Variants in ADGRB3 observed in about 807,000 individuals in gnomAD.
The protein encoded by ADGRB3 is adhesion G protein-coupled receptor B3, also known as brain-specific angiogenesis inhibitor 3.
ADGRB3 carries 37 observed loss-of-function variants against 193.4 expected under a neutral mutation model. The observed-to-expected ratio is 0.19, with a 90% CI of 0.15 to 0.25. The LOEUF (loss-of-function observed/expected upper bound fraction) is 0.25. Ranked by LOEUF, ADGRB3 falls within the 10% of genes least tolerant of loss-of-function variation. The probability of loss-of-function intolerance (pLI) is 1.00; values close to 1 mark genes in which losing one functional copy is unlikely to be tolerated. For missense variants in ADGRB3, 1,637 were observed against 1,852.9 expected (o/e 0.88, Z 2.14); for synonymous variants, 690 against 644.2 (o/e 1.07, Z -1.08).
At chr6:68,863,775 T>C (rs1179476630) in intron 3 of ADGRB3, among the ~76,000 whole-genome samples, 1 of 152,186 alleles carries the variant, frequency 6.6e-6, no homozygotes, top group Non-Finnish European at 1.5e-5. Context: ...AAATCAGCCT[T>C]ACTTAGGCTC....
chr6:68,860,873 A>T (rs938685398), intron 3 of ADGRB3, among the ~76,000 whole-genome samples: 1 of 115,652 alleles, frequency 8.6e-6, no homozygotes, highest in South Asian at 2.8e-4. Flanking sequence ...TTTTTTAAAT[A>T]TGCTTTTTTT....
chr6:68,923,218 CT>C (rs755484558), intron 3 of ADGRB3, among the ~76,000 whole-genome samples: 3 of 151,986 alleles, frequency 2.0e-5, no homozygotes, highest in Non-Finnish European at 1.5e-5. Context: ...ATGACCAGAA[CT>C]ACTTTGGTAT....
At chr6:68,905,370 A>C (rs1283305847) in intron 3 of ADGRB3, among the ~76,000 whole-genome samples, 2 of 152,196 alleles carry the variant, frequency 1.3e-5, no homozygotes, top group East Asian at 3.9e-4. Flanking sequence ...TGTGAAGAAT[A>C]ATTAATAAGT....
intron 3 of ADGRB3, among the ~76,000 whole-genome samples, chr6:68,678,257 C>A (rs1232347496): frequency 6.6e-6 from 1 of 152,072 alleles, no homozygotes; most frequent in Non-Finnish European, 1.5e-5. Context: ...TTCCATAAGA[C>A]AACATATGCA....
At chr6:68,757,459 T>C (rs1314933822) in intron 3 of ADGRB3, among the ~76,000 whole-genome samples, 1 of 152,134 alleles carries the variant, frequency 6.6e-6, no homozygotes, top group Non-Finnish European at 1.5e-5. Context: ...TCTGACTGAC[T>C]TTTAGTTTAA....
At chr6:68,852,467 C>A (rs12524820) in intron 3 of ADGRB3, among the ~76,000 whole-genome samples, 7 of 151,960 alleles carry the variant, frequency 4.6e-5, no homozygotes, top group African/African-American at 1.7e-4. Flanking sequence ...TATTATTATA[C>A]ACACAATAAC....
At chr6:69,017,931 T>C (rs1446329804) in intron 12 of ADGRB3, among the ~76,000 whole-genome samples, 1 of 151,966 alleles carries the variant, frequency 6.6e-6, no homozygotes, top group African/African-American at 2.4e-5. Context: ...AATAAATGTT[T>C]CTCTGAAGAT....
intron 18 of ADGRB3, among the ~76,000 whole-genome samples, chr6:69,233,644 T>C (rs1766201403): frequency 6.6e-6 from 1 of 152,228 alleles, no homozygotes; most frequent in South Asian, 2.1e-4. Flanking sequence ...TTCTGCAGTG[T>C]AGTTTCAAGG....
At chr6:69,059,756 T>A (rs1257101766) in intron 15 of ADGRB3, among the ~76,000 whole-genome samples, 1 of 152,132 alleles carries the variant, frequency 6.6e-6, no homozygotes, top group Admixed American at 6.6e-5. Flanking sequence ...TATACACTTT[T>A]TGAAAAGGAA....
At chr6:68,969,833 G>C (rs1378291512) in intron 8 of ADGRB3, among the ~76,000 whole-genome samples, 2 of 152,236 alleles carry the variant, frequency 1.3e-5, no homozygotes, top group Non-Finnish European at 2.9e-5. Context: ...TCTCCTCCAC[G>C]GCATTGGCCA....
At chr6:69,210,815 A>G (rs1765647599) in intron 17 of ADGRB3, among the ~76,000 whole-genome samples, 1 of 152,132 alleles carries the variant, frequency 6.6e-6, no homozygotes, top group African/African-American at 2.4e-5. Context: ...CTGCCTAGTC[A>G]ATGAAATATA....
At chr6:68,681,282 T>C (rs1357286160) in intron 3 of ADGRB3, among the ~76,000 whole-genome samples, 1 of 152,218 alleles carries the variant, frequency 6.6e-6, no homozygotes, top group African/African-American at 2.4e-5. Context: ...AAATAGGTTT[T>C]TGAGGGGACA....
chr6:68,958,016 C>T (rs192598207), intron 8 of ADGRB3, among the ~76,000 whole-genome samples: 13 of 152,038 alleles, frequency 8.6e-5, no homozygotes, highest in African/African-American at 3.1e-4. Flanking sequence ...GCCTGGCCAA[C>T]GTGGCGAAAC....
intron 3 of ADGRB3, among the ~76,000 whole-genome samples, chr6:68,877,610 G>A (rs542606968): frequency 6.6e-6 from 1 of 151,984 alleles, no homozygotes; most frequent in Admixed American, 6.6e-5. Context: ...CAATTTTAAT[G>A]GATCTGGGCT....
intron 3 of ADGRB3, among the ~76,000 whole-genome samples, chr6:68,824,918 G>T (rs1313869762): frequency 6.6e-6 from 1 of 151,794 alleles, no homozygotes; most frequent in Non-Finnish European, 1.5e-5. Context: ...GCAGTGGCGC[G>T]ATCTCCCTCA....
intron 29 of ADGRB3, among the ~76,000 whole-genome samples, chr6:69,362,497 G>A (rs1028874890): frequency 2.0e-5 from 3 of 151,846 alleles, no homozygotes; most frequent in African/African-American, 7.3e-5. Context: ...AAATGAAGAG[G>A]CATTCTGAGA....
In ADGRB3 at chr6:68,638,814, A is replaced by G. The variant is rs887013000; in HGVS notation, c.139A>G (p.Met47Val). ...VIYGSYSVSE[M>V]FPKNFTNCTW... ...TTATGGATCGTATTCTGTAAGTGAA[A>G]TGTTTCCTAAAAACTTTACAAACTG... The change falls in exon 3 of 32, where the codon ATG (methionine) becomes GTG (valine). Residue 47 changes from methionine to valine, a missense_variant. Transcript: ENST00000370598. The G allele has an allele frequency of 1.3e-5, 21 of 1,613,998 alleles. No homozygotes were observed. The highest frequency in any genetic ancestry group is 1.8e-5 in the Non-Finnish European group (21 of 1,180,018).
intron 17 of ADGRB3, among the ~76,000 whole-genome samples, chr6:69,084,525 T>C (rs763281563): frequency 2.0e-5 from 3 of 152,194 alleles, no homozygotes; most frequent in Non-Finnish European, 2.9e-5. Flanking sequence ...GTCTATTATT[T>C]AGCATATGAA....
intron 3 of ADGRB3, among the ~76,000 whole-genome samples, chr6:68,655,479 A>G (rs2127283593): frequency 6.6e-6 from 1 of 151,876 alleles, no homozygotes; most frequent in African/African-American, 2.4e-5. Context: ...CACTGCAATT[A>G]GAATTCTTTA....
Sources: allele counts gnomAD v4.1 joint callset (sites outside exome capture counted in the v4.1 genomes callset), GRCh38; gene constraint gnomAD v4.1.1; transcripts MANE v1.5; gene names NCBI Gene and HGNC (gene_info 2026-07-23, HGNC 2026-07-21).